NEBL: variants seen among roughly 807,000 people sequenced by gnomAD.
NEBL encodes LIM and SH3 protein 2.
NEBL carries 122 observed loss-of-function variants against 140.2 expected under a neutral mutation model. The observed-to-expected ratio is 0.87, with a 90% CI of 0.75 to 1.01. NEBL has a LOEUF of 1.01. Among genes scored for constraint, NEBL ranks in the 50% least tolerant of loss-of-function variants. The pLI, the probability that NEBL is intolerant of heterozygous loss-of-function variation, is 0.00. For synonymous variants in NEBL, 436 were observed against 398.9 expected, an observed-to-expected ratio of 1.09 and a Z score of -1.11; for missense variants, 1,365 against 1,231.3, an observed-to-expected ratio of 1.11 and a Z score of -1.62.
intron 26 of NEBL, among the ~76,000 whole-genome samples, chr10:20,791,743 A>G (rs12217348): frequency 0.05 from 7,684 of 152,286 alleles, 344 homozygotes; most frequent in East Asian, 0.13. Flanking sequence ...AAGAGGAAAT[A>G]TACGTAAATA....
chr10:21,167,312 A>G (rs1307578656), intron 2 of NEBL, among the ~76,000 whole-genome samples: 2 of 152,216 alleles, frequency 1.3e-5, no homozygotes, highest in East Asian at 3.8e-4. Context: ...ACTTCACTGG[A>G]TACTTCTGTT....
In NEBL at chr10:20,916,109, C is replaced by T. The variant is rs530460240; in HGVS notation, c.357+45563G>A. 1.5e-4 allele frequency among the ~76,000 whole-genome samples: 23 copies of T among 152,112 alleles called. No homozygotes were observed. The South Asian group carries it at 2.7e-3, about 18-fold the overall frequency. ...ATGAGAAGTAAAACACAATGAATCA[C>T]GAGGTGATTAATCAGTCATCTAGTT... On this transcript the variant is annotated intron_variant, in intron 4 of 6. Transcript: ENST00000417816.
intron 18 of NEBL, among the ~76,000 whole-genome samples, 182 bp from the exon 19 acceptor site, chr10:20,823,482 A>G (rs1189904646): frequency 1.3e-5 from 2 of 152,192 alleles, no homozygotes; most frequent in Non-Finnish European, 2.9e-5. Context: ...TTCCTAAGGT[A>G]CAAATAAATC....
chr10:21,178,270 A>G (rs1408301806), upstream of NEBL, among the ~76,000 whole-genome samples: 1 of 152,236 alleles, frequency 6.6e-6, no homozygotes, highest in Non-Finnish European at 1.5e-5. Flanking sequence ...CATCCATTCA[A>G]CATATAGTTA....
At chr10:21,290,694 T>C (rs1843130611) in intron 1 of NEBL, among the ~76,000 whole-genome samples, 1 of 152,152 alleles carries the variant, frequency 6.6e-6, no homozygotes, top group African/African-American at 2.4e-5. Context: ...CCCCTCACCT[T>C]ACCACCACCT....
At chr10:21,183,109 G>GC (rs1026734525) in intron 3 of NEBL, among the ~76,000 whole-genome samples, 1 of 152,058 alleles carries the variant, frequency 6.6e-6, no homozygotes, top group Non-Finnish European at 1.5e-5. Context: ...CACACTAGGG[G>GC]CCCCCCAAGC....
chr10:21,242,937 C>T (rs1264441454), intron 3 of NEBL, among the ~76,000 whole-genome samples: 1 of 152,166 alleles, frequency 6.6e-6, no homozygotes, highest in Non-Finnish European at 1.5e-5. Flanking sequence ...CCCAAGCACA[C>T]CCCTGCCTTG....
At chr10:20,928,344 G>A (rs768465583) in intron 4 of NEBL, among the ~76,000 whole-genome samples, 6 of 152,264 alleles carry the variant, frequency 3.9e-5, no homozygotes, top group Non-Finnish European at 8.8e-5. Context: ...GTGGCCAGTG[G>A]CTACCATGCT....
chr10:20,808,805 C>T, intron 25 of NEBL, 146 bp from the exon 26 acceptor site: 3 of 813,072 alleles, frequency 3.7e-6, no homozygotes, highest in Non-Finnish European at 6.2e-6. Context: ...CACCTATTCC[C>T]AAACTTCAGC....
intron 4 of NEBL, among the ~76,000 whole-genome samples, chr10:20,930,295 T>C (rs1834120530): frequency 6.6e-6 from 1 of 152,194 alleles, no homozygotes; most frequent in South Asian, 2.1e-4. Flanking sequence ...CATTTCATCC[T>C]TCGACACGTT....
chr10:21,240,909 C>CACACACACAT (rs1021435370), intron 3 of NEBL, among the ~76,000 whole-genome samples: 1 of 110,242 alleles, frequency 9.1e-6, no homozygotes, highest in Non-Finnish European at 1.9e-5. Context: ...CGCACACATA[C>CACACACACAT]ACACACACAC....
chr10:21,272,096 C>T (rs994926645), intron 1 of NEBL, among the ~76,000 whole-genome samples: 3 of 148,592 alleles, frequency 2.0e-5, no homozygotes, highest in Admixed American at 6.8e-5. Context: ...GGTCTACAGG[C>T]ACCCGCCACC....
intron 3 of NEBL, among the ~76,000 whole-genome samples, chr10:20,967,883 A>G (rs569335014): frequency 3.9e-5 from 6 of 152,340 alleles, no homozygotes; most frequent in African/African-American, 1.4e-4. Context: ...GAATATTTTC[A>G]AAGAAAGCAG....
At chr10:21,202,461 C>CTTTTTTTTTTT (rs35623208) in intron 3 of NEBL, among the ~76,000 whole-genome samples, 104 of 117,242 alleles carry the variant, frequency 8.9e-4, no homozygotes, top group Non-Finnish European at 1.1e-3. Flanking sequence ...TTTTCTTTTT[C>CTTTTTTTTTTT]TTTTTTTTTT....
intron 2 of NEBL, among the ~76,000 whole-genome samples, chr10:21,106,642 T>C (rs908078398): frequency 6.6e-6 from 1 of 152,334 alleles, no homozygotes; most frequent in Middle Eastern, 3.4e-3. Flanking sequence ...TTTGTTCTTT[T>C]TGCTTAGGAT....
chr10:20,988,914 G>A (rs1006118006), intron 3 of NEBL, among the ~76,000 whole-genome samples: 1 of 152,172 alleles, frequency 6.6e-6, no homozygotes, highest in Non-Finnish European at 1.5e-5. Flanking sequence ...TCACTTGACT[G>A]CATCCCAGTC....
At chr10:20,813,889 G>A (rs1588667169) in intron 23 of NEBL, 50 bp downstream of exon 23, 2 of 1,168,984 alleles carry the variant, frequency 1.7e-6, no homozygotes, top group Non-Finnish European at 2.6e-6. Flanking sequence ...CCGTGCACTG[G>A]ATCCGCCCAT....
At chr10:21,277,685 G>A (rs1356186279) in intron 1 of NEBL, among the ~76,000 whole-genome samples, 2 of 152,170 alleles carry the variant, frequency 1.3e-5, no homozygotes, top group African/African-American at 4.8e-5. Context: ...GTCATTCCCT[G>A]CCTCTTGCAT....
chr10:21,129,397 C>T (rs1280672392), intron 2 of NEBL, among the ~76,000 whole-genome samples: 1 of 151,928 alleles, frequency 6.6e-6, no homozygotes, highest in Non-Finnish European at 1.5e-5. Flanking sequence ...CAGGCATGTG[C>T]CACTATGCCT....
Sources: allele counts gnomAD v4.1 joint callset (sites outside exome capture counted in the v4.1 genomes callset), GRCh38; gene constraint gnomAD v4.1.1; transcripts MANE v1.5; gene names NCBI Gene and HGNC (gene_info 2026-07-23, HGNC 2026-07-21).